DSCAML1: variants seen among roughly 807,000 people sequenced by gnomAD.
DSCAML1 encodes DS cell adhesion molecule like 1.
DSCAML1 carries 38 observed loss-of-function variants against 200.5 expected under a neutral mutation model. That is an observed-to-expected ratio of 0.19 (90% CI 0.15 to 0.25). The LOEUF is 0.25. DSCAML1 is among the 10% of genes least tolerant of loss of function. The pLI, the probability that DSCAML1 is intolerant of heterozygous loss-of-function variation, is 1.00. For synonymous variants in DSCAML1, 1,215 were observed against 1,165.0 expected (o/e 1.04, Z -0.87); for missense variants, 2,223 against 2,858.8 (o/e 0.78, Z 5.07).
In DSCAML1 at chr11:117,780,283, A is replaced by AGAAAGAAAGAAAGAAC. The variant is rs2055223060; in HGVS notation, c.364+209_364+210insGTTCTTTCTTTCTTTC. ...AAGAAAGAAAGAAAGAAAGAAAGAAAGAAAGAAAGAAAGAAAGAAAGAGAG... is the reference window on the plus strand; with the variant it reads ...AAGAAAGAAAGAAAGAAAGAAAGAAAGAAAGAAAGAAAGAACGAAAGAAAGAAAGAAAGAAAGAGAG... On this transcript the variant is annotated intron_variant, in intron 2 of 32. Transcript: ENST00000651296. The surrounding 1 kb of genome is among the most constrained non-coding windows in gnomAD (Gnocchi z 4.8). 1.0e-5 allele frequency among the ~76,000 whole-genome samples: 1 copy of AGAAAGAAAGAAAGAAC among 97,232 alleles called. No individual in the cohort carries two copies. The highest frequency in any genetic ancestry group is 3.2e-5 in the African/African-American group (1 of 31,366). 63.8% of individuals were successfully genotyped at this position (97,232 alleles called of 152,430 possible).
intron 11 of DSCAML1, among the ~76,000 whole-genome samples, chr11:117,492,594 T>C (rs2049204686): frequency 7.0e-6 from 1 of 143,238 alleles, no homozygotes; most frequent in Admixed American, 6.9e-5. Context: ...CCCACCCCAC[T>C]CCCCTTCTCC....
intron 4 of DSCAML1, among the ~76,000 whole-genome samples, chr11:117,531,854 C>G (rs554679046): frequency 6.8e-6 from 1 of 147,910 alleles, no homozygotes; most frequent in African/African-American, 2.5e-5. Context: ...CCATTGCACT[C>G]CAGCCTGGGC....
At position 117,435,641 on chromosome 11, in the gene DSCAML1, C is replaced by CA. The variant is rs1565674812; in HGVS notation, c.4876+2dup. 3.1e-6 allele frequency: 5 copies of CA among 1,591,994 alleles called. No homozygotes were observed. In the Admixed American group the frequency reaches 6.7e-5, roughly 21 times the overall value. ...CTGGAAGGCCCATAGGAAGCTCCCC[C>CA]ACCTCGGAGTCGCTTCAGCCGTTTC... On this transcript the variant is annotated splice_region_variant and intron_variant, in intron 27 of 32. Transcript: ENST00000651296.
intron 8 of DSCAML1, among the ~76,000 whole-genome samples, chr11:117,507,416 C>G (rs1162761903): frequency 6.6e-6 from 1 of 152,176 alleles, no homozygotes; most frequent in Non-Finnish European, 1.5e-5. Flanking sequence ...CAGGGCACCC[C>G]TGCACTTTCA....
intron 14 of DSCAML1, among the ~76,000 whole-genome samples, chr11:117,473,045 TC>T (rs2048716227): frequency 6.6e-6 from 1 of 152,158 alleles, no homozygotes; most frequent in South Asian, 2.1e-4. Context: ...ATGTCACTAT[TC>T]CGTCTAATTT....
At chr11:117,727,413 C>A (rs540713079) in intron 3 of DSCAML1, among the ~76,000 whole-genome samples, 4 of 152,336 alleles carry the variant, frequency 2.6e-5, no homozygotes, top group Admixed American at 2.6e-4. Context: ...CCACACTTTC[C>A]ACCTTCCTAA....
At position 117,780,296 on chromosome 11, in the gene DSCAML1, G is replaced by GAAAGAAAGAAAGAAAAAGA. The variant is rs1555032777; in HGVS notation, c.364+196_364+197insTCTTTTTCTTTCTTTCTTT. On this transcript the variant is annotated intron_variant, in intron 2 of 32. Transcript: ENST00000651296. This position sits in a 1 kb window ranked among gnomAD's most constrained non-coding sequence, Gnocchi z 4.8. ...AGAAAGAAAGAAAGAAAGAAAGAAA[G>GAAAGAAAGAAAGAAAAAGA]AAAGAAAGAGAGAAAGGAGAAAGAA... is the stretch of plus-strand genomic sequence containing the variant. Among the ~76,000 whole-genome samples the GAAAGAAAGAAAGAAAAAGA allele has an allele frequency of 1.9e-5, 2 of 106,894 alleles. No individual in the cohort carries two copies. The highest frequency in any genetic ancestry group is 6.2e-5 in the African/African-American group (2 of 32,460). 70.1% of individuals were successfully genotyped at this position (106,894 alleles called of 152,430 possible).
chr11:117,578,476 G>A (rs2050989384), intron 3 of DSCAML1, among the ~76,000 whole-genome samples: 1 of 151,932 alleles, frequency 6.6e-6, no homozygotes, highest in African/African-American at 2.4e-5. Context: ...TTCAAGACCA[G>A]TCTCGCCAAC....
Position 117,780,231 on chromosome 11 carries a change from G to GGAAAGAAAGAAA in DSCAML1, c.364+250_364+261dup, listed in dbSNP as rs762329735. The stretch of plus-strand genomic sequence containing the variant: ...AAAGAGAGAGAGAGAAAGAAAGAAA[G>GGAAAGAAAGAAA]GAAAGAAAGAAAGAAAGAAAGAAAG... On this transcript the variant is annotated intron_variant, in intron 2 of 32. Transcript: ENST00000651296. The surrounding 1 kb of genome is among the most constrained non-coding windows in gnomAD (Gnocchi z 4.8). Among the ~76,000 whole-genome samples the GGAAAGAAAGAAA allele has an allele frequency of 5.9e-3, 358 of 60,640 alleles. 7 individuals are homozygous for GGAAAGAAAGAAA. The highest frequency in any genetic ancestry group is 0.016 in the South Asian group (26 of 1,666). 39.8% of individuals were successfully genotyped at this position (60,640 alleles called of 152,430 possible).
At chr11:117,755,609 A>C (rs992532562) in intron 3 of DSCAML1, among the ~76,000 whole-genome samples, 2 of 152,230 alleles carry the variant, frequency 1.3e-5, no homozygotes, top group Non-Finnish European at 2.9e-5. Flanking sequence ...GACTACAATC[A>C]AATTACAGAG....
chr11:117,738,451 C>A (rs2054362624), intron 3 of DSCAML1, among the ~76,000 whole-genome samples: 1 of 152,022 alleles, frequency 6.6e-6, no homozygotes, highest in Admixed American at 6.5e-5. Context: ...ATTACTCATA[C>A]AACGTCAATG....
At chr11:117,644,552 G>A (rs777858007) in intron 3 of DSCAML1, among the ~76,000 whole-genome samples, 19 of 152,208 alleles carry the variant, frequency 1.2e-4, no homozygotes, top group Admixed American at 2.0e-4. Flanking sequence ...TCCCACAGAC[G>A]ACATCCATCA....
intron 15 of DSCAML1, among the ~76,000 whole-genome samples, chr11:117,471,618 T>C (rs12363004): frequency 0.084 from 12,768 of 152,324 alleles, 761 homozygotes; most frequent in East Asian, 0.19. Flanking sequence ...TCTTTCCAGA[T>C]GCTGGGGCCA....
At chr11:117,473,902 G>C (rs1056395688) in intron 14 of DSCAML1, among the ~76,000 whole-genome samples, 6 of 152,198 alleles carry the variant, frequency 3.9e-5, no homozygotes, top group African/African-American at 1.4e-4. Context: ...GAACAGGCTA[G>C]TCATGTGGAG....
intron 3 of DSCAML1, among the ~76,000 whole-genome samples, chr11:117,623,370 T>A (rs775892571): frequency 1.3e-5 from 2 of 152,040 alleles, no homozygotes; most frequent in Non-Finnish European, 2.9e-5. Context: ...GAGTGCGCCA[T>A]GACACCAGCT....
chr11:117,639,809 C>G (rs2052367515), intron 3 of DSCAML1, among the ~76,000 whole-genome samples: 1 of 152,246 alleles, frequency 6.6e-6, no homozygotes, highest in East Asian at 1.9e-4. Context: ...CTCTGGTGGC[C>G]TCCCTGCCCT....
rs1477905519 is a variant in DSCAML1, at chr11:117,630,589, G to C, written c.512-98067C>G. ...GTGGCCCCACAGCCTTGAGGATCATGATGGCCCTGTGAAGTCAGAACAGGT... is the reference window on the plus strand; with the variant it reads ...GTGGCCCCACAGCCTTGAGGATCATCATGGCCCTGTGAAGTCAGAACAGGT... On this transcript the variant is annotated intron_variant, in intron 3 of 32. Coordinates refer to ENST00000651296, the MANE Select transcript of DSCAML1 (RefSeq NM_020693.4). 3.6e-5 allele frequency among the ~76,000 whole-genome samples: 5 copies of C among 139,364 alleles called. No homozygotes were observed. In the Admixed American group the frequency reaches 3.9e-4, roughly 11 times the overall value. The allele number at this position is 139,364 out of a possible 152,430, so 91.4% of individuals were successfully genotyped here.
chr11:117,578,407 A>G (rs2137455446), intron 3 of DSCAML1, among the ~76,000 whole-genome samples: 1 of 152,078 alleles, frequency 6.6e-6, no homozygotes, highest in East Asian at 1.9e-4. Context: ...GCAGAGGCGC[A>G]TGCCTGTAAT....
At position 117,461,523 on chromosome 11, in the gene DSCAML1, C is replaced by A. The variant is rs1464314543; in HGVS notation, c.3339G>T (p.Glu1113Asp). The A allele has an allele frequency of 2.5e-6, 4 of 1,614,084 alleles. No homozygotes were observed. The highest frequency in any genetic ancestry group is 1.7e-5 in the Admixed American group (1 of 60,012). The change falls in exon 18 of 33, where the codon GAG becomes GAT. Residue 1113 changes from glutamate (E) to aspartate (D), a missense_variant. Transcript: ENST00000651296. ...CGCCATTGAGGGTGCTGCGCGGGGG[C>A]TCTGACCAGGAGATGACGGCCACGT... ...TSDVAVISWS[E>D]PPRSTLNGVL...
Sources: allele counts gnomAD v4.1 joint callset (sites outside exome capture counted in the v4.1 genomes callset), GRCh38; gene constraint gnomAD v4.1.1; non-coding constraint Gnocchi (gnomAD v3.1); transcripts MANE v1.5; gene names NCBI Gene and HGNC (gene_info 2026-07-23, HGNC 2026-07-21).